Variants in PCDHA9 observed in about 807,000 individuals in gnomAD.
The protein encoded by PCDHA9 is protocadherin alpha-9.
Under a neutral mutation model 62.0 loss-of-function variants are expected in PCDHA9, and 62 were observed. The observed-to-expected ratio is 1.00, with a 90% CI of 0.81 to 1.23. PCDHA9 has a LOEUF of 1.23. Ranked by LOEUF, PCDHA9 falls within the 50% of genes most tolerant of loss-of-function variation. PCDHA9 has a pLI of 0.00. For synonymous variants in PCDHA9, 557 were observed against 567.6 expected (o/e 0.98, Z 0.27); for missense variants, 1,205 against 1,249.8 (o/e 0.96, Z 0.54).
At position 140,849,633 on chromosome 5, in the gene PCDHA9, G is replaced by A; in HGVS notation, c.1138G>A (p.Asp380Asn). 1 of 1,598,806 alleles carries A rather than the reference G, an allele frequency of 6.3e-7. No homozygotes were observed. The highest frequency in any genetic ancestry group is 1.3e-5 in the African/African-American group (1 of 74,504). The change falls in exon 1 of 4, where the codon GAT becomes AAT. Residue 380 changes from aspartate to asparagine, a missense_variant. Physicochemically the swap from Asp to Asn is conservative, Grantham distance 23 (BLOSUM62 1). Coordinates refer to ENST00000532602, the MANE Select transcript of PCDHA9 (RefSeq NM_031857.2). ...ALISVIDLDA[D>N]ANGQVTCSLT... Reference sequence around the variant, plus strand: ...GATTAGTGTGATCGACCTAGACGCAGATGCCAACGGGCAGGTTACCTGCTC... The same window carrying A: ...GATTAGTGTGATCGACCTAGACGCAAATGCCAACGGGCAGGTTACCTGCTC...
chr5:140,855,986 G>C (rs191873949), intron 1 of PCDHA9: 4 of 1,477,690 alleles, frequency 2.7e-6, no homozygotes, highest in Middle Eastern at 1.8e-4. Context: ...GACAGAAAAT[G>C]TCAGATCGTA....
intron 1 of PCDHA9, among the ~76,000 whole-genome samples, chr5:140,911,895 T>C (rs1289494210): frequency 1.3e-5 from 2 of 152,184 alleles, no homozygotes; most frequent in East Asian, 3.8e-4. Flanking sequence ...AAAATCTGTA[T>C]TAGTCAGAGC....
At chr5:140,904,440 A>G (rs1455600144) in intron 1 of PCDHA9, among the ~76,000 whole-genome samples, 1 of 151,204 alleles carries the variant, frequency 6.6e-6, no homozygotes, top group Non-Finnish European at 1.5e-5. Flanking sequence ...TATGTATATT[A>G]CAATTTCTTT....
intron 1 of PCDHA9, among the ~76,000 whole-genome samples, chr5:140,905,582 A>C (rs1281901890): frequency 1.3e-5 from 2 of 152,068 alleles, no homozygotes; most frequent in South Asian, 2.1e-4. Flanking sequence ...AATGATAATG[A>C]TATTTTGCTG....
intron 1 of PCDHA9, among the ~76,000 whole-genome samples, chr5:140,873,040 T>C (rs2153278087): frequency 6.6e-6 from 1 of 152,312 alleles, no homozygotes; most frequent in South Asian, 2.1e-4. Flanking sequence ...CGTAGAGTGG[T>C]GGTATTACAG....
chr5:140,994,558 A>G (rs1414971844), intron 3 of PCDHA9, among the ~76,000 whole-genome samples: 4 of 151,948 alleles, frequency 2.6e-5, no homozygotes, highest in Non-Finnish European at 5.9e-5. Context: ...TATAAAAATT[A>G]GCCGGGTGTG....
intron 1 of PCDHA9, among the ~76,000 whole-genome samples, chr5:140,973,299 T>C (rs1191449890): frequency 1.3e-5 from 2 of 152,198 alleles, no homozygotes; most frequent in African/African-American, 4.8e-5. Flanking sequence ...TTCTATCTGA[T>C]GACTCTATCC....
At chr5:140,875,758 T>C (rs1562702075) in intron 1 of PCDHA9, 1 of 1,614,186 alleles carries the variant, frequency 6.2e-7, no homozygotes. Context: ...CGAGAAGCTG[T>C]GCGGGCGGAG....
At chr5:140,968,634 A>T (rs782166097) in intron 1 of PCDHA9, 7 of 1,614,176 alleles carry the variant, frequency 4.3e-6, no homozygotes, top group Non-Finnish European at 5.9e-6. Flanking sequence ...CTTTTTTACC[A>T]TCTAGCCCAG....
intron 1 of PCDHA9, chr5:140,968,520 C>A: frequency 6.2e-7 from 1 of 1,614,194 alleles, no homozygotes; most frequent in Non-Finnish European, 8.5e-7. Flanking sequence ...CCTACCTCAA[C>A]CAACTCGTCA....
chr5:140,876,343 T>C lies in PCDHA9; in HGVS notation c.2394+25454T>C, dbSNP rs1196276310. ...AATGATTTTGCCAGTGAGTGAGAAA[T>C]GTATGTTTTCAATAAATCCAGACAC... is the stretch of plus-strand genomic sequence containing the variant. On this transcript the variant is annotated intron_variant, in intron 1 of 3. Transcript: ENST00000532602. 2 of 1,613,972 alleles carry C rather than the reference T, an allele frequency of 1.2e-6. No individual in the cohort carries two copies. The highest frequency in any genetic ancestry group is 1.1e-5 in the South Asian group (1 of 91,090).
intron 1 of PCDHA9, among the ~76,000 whole-genome samples, chr5:140,937,259 G>A (rs1306999153): frequency 1.3e-5 from 2 of 151,850 alleles, no homozygotes; most frequent in East Asian, 3.9e-4. Context: ...GGATGGTCTC[G>A]ATCTCCTGAC....
At chr5:140,978,572 A>T (rs1322135580) in intron 1 of PCDHA9, among the ~76,000 whole-genome samples, 2 of 152,234 alleles carry the variant, frequency 1.3e-5, no homozygotes, top group Non-Finnish European at 2.9e-5. Flanking sequence ...GTAATACTGA[A>T]TTGGGAATGT....
At chr5:140,933,220 T>G (rs1179526168) in intron 1 of PCDHA9, among the ~76,000 whole-genome samples, 3 of 151,968 alleles carry the variant, frequency 2.0e-5, no homozygotes, top group African/African-American at 7.2e-5. Flanking sequence ...TCTGTTATAT[T>G]GCATTTATGA....
At chr5:140,994,753 G>T (rs143791883) in intron 3 of PCDHA9, among the ~76,000 whole-genome samples, 6 of 152,252 alleles carry the variant, frequency 3.9e-5, no homozygotes, top group Non-Finnish European at 7.3e-5. Context: ...AGTAGGATGT[G>T]GAGAGGAAGA....
At chr5:140,982,679 C>A in intron 3 of PCDHA9, 116 bp downstream of exon 3, 2 of 1,436,546 alleles carry the variant, frequency 1.4e-6, no homozygotes, top group Non-Finnish European at 9.2e-7. Flanking sequence ...TTGTTATTCC[C>A]TTTTTTCCAT....
chr5:140,933,333 A>G (rs1215342457), intron 1 of PCDHA9, among the ~76,000 whole-genome samples: 1 of 152,032 alleles, frequency 6.6e-6, no homozygotes, highest in Non-Finnish European at 1.5e-5. Flanking sequence ...TGTGCTGTAG[A>G]GAAAGATAAA....
At chr5:140,870,993 A>G in intron 1 of PCDHA9, 1 of 1,613,424 alleles carries the variant, frequency 6.2e-7, no homozygotes, top group South Asian at 1.1e-5. Context: ...CGGGCGAGAT[A>G]AGCACAACGC....
chr5:140,983,518 C>T (rs1417635641), intron 3 of PCDHA9, among the ~76,000 whole-genome samples: 1 of 152,130 alleles, frequency 6.6e-6, no homozygotes, highest in African/African-American at 2.4e-5. Context: ...AGACACTGTG[C>T]CAAGTACATT....
Sources: gnomAD v4.1 joint callset for allele counts (sites outside exome capture counted in the v4.1 genomes callset) on GRCh38, gnomAD v4.1.1 for gene constraint, MANE v1.5 for transcripts, NCBI Gene and HGNC (gene_info 2026-07-23, HGNC 2026-07-21) for gene names.